PTPRR: variants seen among roughly 807,000 people sequenced by gnomAD.
PTPRR encodes protein tyrosine phosphatase receptor type R.
PTPRR carries 38 observed loss-of-function variants against 77.2 expected under a neutral mutation model. The ratio of observed to expected loss-of-function variants is 0.49; its 90% CI spans 0.38 to 0.65. The LOEUF is 0.65. Among genes scored for constraint, PTPRR ranks in the 30% least tolerant of loss-of-function variants. The pLI is 0.00. For synonymous variants in PTPRR, 299 were observed against 283.1 expected (o/e 1.06, Z -0.57); for missense variants, 744 against 799.2 (o/e 0.93, Z 0.83).
chr12:70,698,214 T>C, intron 8 of PTPRR, 51 bp downstream of exon 8: 1 of 1,498,170 alleles, frequency 6.7e-7, no homozygotes, highest in Non-Finnish European at 9.3e-7. Context: ...CTAATGGCTA[T>C]CCCTCCCCTT....
At chr12:70,688,064 C>T (rs1887932991) in intron 8 of PTPRR, among the ~76,000 whole-genome samples, 1 of 152,190 alleles carries the variant, frequency 6.6e-6, no homozygotes, top group African/African-American at 2.4e-5. Flanking sequence ...CTGACCCTCA[C>T]TTGCATGAGC....
At chr12:70,713,460 GA>G (rs1372863210) in intron 6 of PTPRR, among the ~76,000 whole-genome samples, 1 of 151,950 alleles carries the variant, frequency 6.6e-6, no homozygotes, top group Admixed American at 6.6e-5. Flanking sequence ...AACTTTTTGA[GA>G]AACTACCAAA....
At chr12:70,695,739 CAG>C (rs763496401) in intron 8 of PTPRR, among the ~76,000 whole-genome samples, 2 of 151,114 alleles carry the variant, frequency 1.3e-5, no homozygotes. Flanking sequence ...AAAAATTTAA[CAG>C]AGAGAGAGAG....
At chr12:70,701,935 T>C (rs535451123) in intron 6 of PTPRR, among the ~76,000 whole-genome samples, 197 of 152,228 alleles carry the variant, frequency 1.3e-3, no homozygotes, top group Admixed American at 2.4e-3. Context: ...ATGGTGCCAC[T>C]GTACTCCAGC....
At chr12:70,789,788 T>C (rs1891391308) in intron 2 of PTPRR, among the ~76,000 whole-genome samples, 1 of 152,192 alleles carries the variant, frequency 6.6e-6, no homozygotes, top group Non-Finnish European at 1.5e-5. Context: ...AACAATCATT[T>C]ATACATTACT....
At chr12:70,826,091 A>G (rs548727587) in intron 2 of PTPRR, among the ~76,000 whole-genome samples, 1 of 152,296 alleles carries the variant, frequency 6.6e-6, no homozygotes, top group South Asian at 2.1e-4. Context: ...AGCCTCTGCT[A>G]GAGAAGGAGG....
chr12:70,725,036 C>T (rs1292489311), intron 6 of PTPRR, among the ~76,000 whole-genome samples: 1 of 151,990 alleles, frequency 6.6e-6, no homozygotes, highest in Non-Finnish European at 1.5e-5. Flanking sequence ...GCCTCATGGC[C>T]TATTCCACCT....
chr12:70,890,199 A>G (rs1209182066), intron 2 of PTPRR, among the ~76,000 whole-genome samples: 2 of 152,098 alleles, frequency 1.3e-5, no homozygotes, highest in African/African-American at 4.8e-5. Flanking sequence ...TCTTCTCTAC[A>G]TTGTACTTGC....
intron 2 of PTPRR, among the ~76,000 whole-genome samples, chr12:70,872,710 A>AAAAAAAAAAC (rs1565726043): frequency 2.7e-5 from 4 of 149,068 alleles, no homozygotes; most frequent in African/African-American, 9.8e-5. Flanking sequence ...AAAAAAAAAA[A>AAAAAAAAAAC]AAAAAAAAAA....
rs137970419 is a variant in PTPRR, at chr12:70,714,195, C to T, written c.1008-12872G>A. On this transcript the variant is annotated intron_variant, in intron 6 of 13. Transcript: ENST00000283228. ...TTCATTTTATATTGAATAGACATATCTATGATATAAATATCTATTAATTCA... is the reference window on the plus strand; with the variant it reads ...TTCATTTTATATTGAATAGACATATTTATGATATAAATATCTATTAATTCA... Among the ~76,000 whole-genome samples, 176 of 151,974 alleles carry T rather than the reference C, an allele frequency of 1.2e-3. 1 individual carries two copies. Among genetic ancestry groups the T allele is most frequent in the African/African-American group, 4.1e-3 (170 of 41,470 alleles).
intron 1 of PTPRR, among the ~76,000 whole-genome samples, chr12:70,919,602 T>C (rs763344248): frequency 6.6e-6 from 1 of 151,862 alleles, no homozygotes; most frequent in Non-Finnish European, 1.5e-5. Flanking sequence ...CTGTTACTCT[T>C]GGTTACACCT....
chr12:70,655,279 C>A (rs1886535581), intron 13 of PTPRR, among the ~76,000 whole-genome samples: 1 of 152,186 alleles, frequency 6.6e-6, no homozygotes, highest in South Asian at 2.1e-4. Flanking sequence ...CTGGAACCCT[C>A]CTGTGTTGTT....
At chr12:70,809,869 G>A (rs1891779206) in intron 2 of PTPRR, among the ~76,000 whole-genome samples, 1 of 152,134 alleles carries the variant, frequency 6.6e-6, no homozygotes, top group African/African-American at 2.4e-5. Context: ...GATATTCTGT[G>A]AAACATTTCT....
intron 2 of PTPRR, among the ~76,000 whole-genome samples, chr12:70,766,146 G>C (rs574456734): frequency 6.6e-6 from 1 of 152,194 alleles, no homozygotes; most frequent in East Asian, 1.9e-4. Context: ...CACCAGCAAC[G>C]GAACAAAGCT....
intron 2 of PTPRR, chr12:70,788,775 T>G: frequency 7.5e-7 from 1 of 1,327,874 alleles, no homozygotes; most frequent in African/African-American, 1.5e-5. Flanking sequence ...CTCTTAACAT[T>G]ACACCGAGGA....
chr12:70,849,573 G>A lies in PTPRR; in HGVS notation c.357+43106C>T, dbSNP rs2137067873. Among the ~76,000 whole-genome samples, 3 of 152,264 alleles carry A rather than the reference G, an allele frequency of 2.0e-5. 1 individual carries two copies. The South Asian group carries it at 6.2e-4, about 32-fold the overall frequency. On this transcript the variant is annotated intron_variant, in intron 2 of 13. Transcript: ENST00000283228. ...GAGGGACATCTGGTGGATGAAATAA[G>A]CAAAAGGAAAGGGGTTTTGTTTTTA... is the stretch of plus-strand genomic sequence containing the variant.
At chr12:70,815,746 C>T (rs1389416007) in intron 2 of PTPRR, among the ~76,000 whole-genome samples, 1 of 152,140 alleles carries the variant, frequency 6.6e-6, no homozygotes, top group Non-Finnish European at 1.5e-5. Context: ...TGTAAGGTCT[C>T]ATTCATTGAT....
At chr12:70,805,497 G>C (rs187658980) in intron 2 of PTPRR, among the ~76,000 whole-genome samples, 223 of 152,182 alleles carry the variant, frequency 1.5e-3, no homozygotes, top group Non-Finnish European at 2.8e-3. Flanking sequence ...GGGACTACAA[G>C]TGGGCACCCC....
intron 10 of PTPRR, among the ~76,000 whole-genome samples, chr12:70,678,509 T>A (rs1027744874): frequency 1.3e-5 from 2 of 152,212 alleles, no homozygotes; most frequent in African/African-American, 4.8e-5. Context: ...CTTTTATAAT[T>A]CTTTGCATTT....
Sources: gnomAD v4.1 joint callset for allele counts (sites outside exome capture counted in the v4.1 genomes callset) on GRCh38, gnomAD v4.1.1 for gene constraint, MANE v1.5 for transcripts, NCBI Gene and HGNC (gene_info 2026-07-23, HGNC 2026-07-21) for gene names.